COL6A5: variants seen among roughly 807,000 people sequenced by gnomAD.
The protein encoded by COL6A5 is collagen type VI alpha 5 chain.
COL6A5 carries 48 observed loss-of-function variants against 65.6 expected under a neutral mutation model. The ratio of observed to expected loss-of-function variants is 0.73; its 90% CI spans 0.58 to 0.93. The LOEUF (loss-of-function observed/expected upper bound fraction) is 0.93, where lower values mean the gene tolerates loss of function less well. Ranked by LOEUF, COL6A5 falls within the 40% of genes least tolerant of loss-of-function variation. The pLI, the probability that COL6A5 is intolerant of heterozygous loss-of-function variation, is 0.00. For synonymous variants in COL6A5, 291 were observed against 322.8 expected, an observed-to-expected ratio of 0.90 and a Z score of 1.05; for missense variants, 914 against 928.3, an observed-to-expected ratio of 0.98 and a Z score of 0.20.
intron 4 of COL6A5, among the ~76,000 whole-genome samples, chr3:130,382,089 A>C (rs1936015404): frequency 6.6e-6 from 1 of 152,076 alleles, no homozygotes; most frequent in Admixed American, 6.6e-5. Context: ...TGGTAAGAAA[A>C]TGAGGAAATG....
intron 1 of COL6A5, among the ~76,000 whole-genome samples, chr3:130,362,312 ATATATATATATATATTTTTTT>A (rs1460280945): frequency 0.12 from 1,668 of 13,804 alleles, 70 homozygotes; most frequent in Non-Finnish European, 0.15. Context: ...ATATATATAT[ATATATATATATATATTTTTTT>A]TTTTTTTTTT....
intron 1 of COL6A5, among the ~76,000 whole-genome samples, chr3:130,366,108 C>G (rs975620236): frequency 1.3e-5 from 2 of 152,172 alleles, no homozygotes; most frequent in Admixed American, 1.3e-4. Context: ...TGGATGGCAG[C>G]TGTGGTCCAA....
chr3:130,396,495 G>C (rs1410861198), intron 8 of COL6A5, among the ~76,000 whole-genome samples: 3 of 152,184 alleles, frequency 2.0e-5, no homozygotes, highest in Non-Finnish European at 4.4e-5. Context: ...TGAACAACCT[G>C]GGCAGGATCA....
At chr3:130,437,383 A>G (rs1158584585) in intron 1 of COL6A5, among the ~76,000 whole-genome samples, 2 of 152,118 alleles carry the variant, frequency 1.3e-5, no homozygotes, top group Non-Finnish European at 1.5e-5. Context: ...TATCTTTGAC[A>G]TCTTGATCCA....
chr3:130,440,726 T>C, exon 3 of COL6A5: 1 of 1,613,312 alleles, frequency 6.2e-7, no homozygotes, highest in Non-Finnish European at 8.5e-7. Context: ...GTTAGCCAGC[T>C]ACCCACTTGA....
chr3:130,357,809 A>G (rs1459382590), intron 1 of COL6A5, among the ~76,000 whole-genome samples: 4 of 152,180 alleles, frequency 2.6e-5, no homozygotes, highest in Admixed American at 2.6e-4. Context: ...AGGTTAAAAT[A>G]AGAAGAAATA....
At chr3:130,431,226 G>A (rs1347974066), upstream of COL6A5, 6 of 685,608 alleles carry the variant, frequency 8.8e-6, no homozygotes, top group Non-Finnish European at 2.7e-6. Context: ...CTGATTGATA[G>A]TGGGCTGTGA....
intron 7 of COL6A5, chr3:130,477,024 T>C (rs1710116369): frequency 2.3e-6 from 3 of 1,286,758 alleles, no homozygotes; most frequent in Non-Finnish European, 3.3e-6. Flanking sequence ...AGTTGTACTT[T>C]GTCTTTTTGC....
intron 1 of COL6A5, among the ~76,000 whole-genome samples, chr3:130,362,126 C>T (rs895065158): frequency 6.6e-6 from 1 of 151,204 alleles, no homozygotes; most frequent in South Asian, 2.1e-4. Context: ...TTTCATAAGT[C>T]GTTGCCAAAC....
chr3:130,476,521 G>A (rs900222555), intron 7 of COL6A5, among the ~76,000 whole-genome samples: 1 of 152,048 alleles, frequency 6.6e-6, no homozygotes, highest in African/African-American at 2.4e-5. Flanking sequence ...AAAGTCCAAA[G>A]TCTAGCCCAC....
At chr3:130,460,433 C>G (rs1709676649) in intron 5 of COL6A5, among the ~76,000 whole-genome samples, 2 of 152,160 alleles carry the variant, frequency 1.3e-5, no homozygotes, top group South Asian at 4.2e-4. Flanking sequence ...TGAATGTAAA[C>G]TGGGGGTTCA....
intron 1 of COL6A5, among the ~76,000 whole-genome samples, chr3:130,349,168 A>G (rs1934611888): frequency 6.6e-6 from 1 of 152,244 alleles, no homozygotes; most frequent in Non-Finnish European, 1.5e-5. Context: ...CGATTGTCCC[A>G]GGTGACACCT....
intron 1 of COL6A5, among the ~76,000 whole-genome samples, chr3:130,367,558 T>C (rs1433511768): frequency 6.6e-6 from 1 of 152,216 alleles, no homozygotes; most frequent in Non-Finnish European, 1.5e-5. Flanking sequence ...AGTTTGCAGT[T>C]CAGAATGGGA....
At chr3:130,386,042 GT>G (rs956779541) in intron 5 of COL6A5, among the ~76,000 whole-genome samples, 1 of 151,914 alleles carries the variant, frequency 6.6e-6, no homozygotes, top group East Asian at 1.9e-4. Flanking sequence ...ATATCTGGTT[GT>G]TTTTTTATTT....
At chr3:130,436,119 T>A (rs1709027417) in intron 1 of COL6A5, among the ~76,000 whole-genome samples, 4 of 152,084 alleles carry the variant, frequency 2.6e-5, no homozygotes, top group Admixed American at 6.6e-5. Flanking sequence ...ATAAATCTGA[T>A]TTTTCTCTGT....
chr3:130,395,224 A>C lies in COL6A5; in HGVS notation c.3327A>C (p.Gln1109His), dbSNP rs138909133. The change falls in exon 8 of 42, where the codon CAA becomes CAC. Residue 1109 changes from glutamine to histidine, a missense_variant and NMD_transcript_variant. Gln to His is a conservative substitution (Grantham distance 24). Coordinates refer to the COL6A5 transcript ENST00000312481. ...GGAGAAGAAATGCTGGTGTCCCCCA[A>C]ACTTTGGTTGTTATCACATCTGGAG... The C allele has an allele frequency of 2.3e-5, 36 of 1,551,680 alleles. No individual in the cohort carries two copies. The South Asian group carries it at 4.0e-4, about 17-fold the overall frequency.
In COL6A5 at chr3:130,349,733, T is replaced by C. The variant is rs538731852; in HGVS notation, c.-29+3752T>C. Among the ~76,000 whole-genome samples, 5 of 152,332 alleles carry C rather than the reference T, an allele frequency of 3.3e-5. No homozygotes were observed. In the East Asian group the frequency reaches 7.7e-4, roughly 23 times the overall value. ...TGTGTATTCTTGTGCATATGAAATATCTCTCTAGATTATATGAATTATGAT... is the reference window on the plus strand; with the variant it reads ...TGTGTATTCTTGTGCATATGAAATACCTCTCTAGATTATATGAATTATGAT... On this transcript the variant is annotated intron_variant and NMD_transcript_variant, in intron 1 of 41. Coordinates refer to the COL6A5 transcript ENST00000312481.
At chr3:130,483,685 TA>T (rs1423325612) in intron 7 of COL6A5, among the ~76,000 whole-genome samples, 2 of 152,126 alleles carry the variant, frequency 1.3e-5, no homozygotes, top group Admixed American at 1.3e-4. Context: ...AAATTAATGT[TA>T]AAAAAGAAAG....
intron 17 of COL6A5, among the ~76,000 whole-genome samples, chr3:130,407,924 A>G (rs551344911): frequency 2.6e-5 from 4 of 152,202 alleles, no homozygotes; most frequent in South Asian, 2.1e-4. Flanking sequence ...CACTTCCCCA[A>G]TGAATACTCT....
Sources: allele counts gnomAD v4.1 joint callset (sites outside exome capture counted in the v4.1 genomes callset), GRCh38; gene constraint gnomAD v4.1.1; transcripts MANE v1.5; gene names NCBI Gene and HGNC (gene_info 2026-07-23, HGNC 2026-07-21).